TMEFF2: variants seen among roughly 807,000 people sequenced by gnomAD.
The protein encoded by TMEFF2 is tomoregulin-2.
Under a neutral mutation model 53.8 loss-of-function variants are expected in TMEFF2, and 28 were observed. That is an observed-to-expected ratio of 0.52 (90% CI 0.39 to 0.71). The LOEUF is 0.71. TMEFF2 is among the 30% of genes least tolerant of loss of function. The pLI is 0.00. For missense variants in TMEFF2, 353 were observed against 455.2 expected (o/e 0.78, Z 2.04); for synonymous variants, 162 against 166.3 (o/e 0.97, Z 0.20).
At chr2:192,135,957 C>T (rs1156691384) in intron 4 of TMEFF2, among the ~76,000 whole-genome samples, 4 of 151,732 alleles carry the variant, frequency 2.6e-5, no homozygotes, top group Admixed American at 6.6e-5. Context: ...TGTAATTTTC[C>T]ATTACCTTCC....
Position 192,194,339 on chromosome 2 carries a change from G to C in TMEFF2, c.172+14C>G. The C allele has an allele frequency of 6.2e-7, 1 of 1,613,246 alleles. No homozygotes were observed. The highest frequency in any genetic ancestry group is 1.3e-5 in the African/African-American group (1 of 75,012). On this transcript the variant is annotated intron_variant, in intron 1 of 9. Coordinates refer to ENST00000272771, the MANE Select transcript of TMEFF2 (RefSeq NM_016192.4). This position sits in a 1 kb window ranked among gnomAD's most constrained non-coding sequence, Gnocchi z 4.2. ...GCGGAGTTAAAGGGTCGGGGACGGGGGTTCTGGACTTACCAGAGCAATTCC... is the reference window on the plus strand; with the variant it reads ...GCGGAGTTAAAGGGTCGGGGACGGGCGTTCTGGACTTACCAGAGCAATTCC...
At chr2:192,168,777 C>A (rs572860501) in intron 4 of TMEFF2, among the ~76,000 whole-genome samples, 1 of 151,924 alleles carries the variant, frequency 6.6e-6, no homozygotes, top group Non-Finnish European at 1.5e-5. Flanking sequence ...TGGCAGCATG[C>A]GAATGTGAGT....
chr2:192,075,304 T>TAAATATAA (rs1553518793), intron 4 of TMEFF2, among the ~76,000 whole-genome samples: 1 of 17,276 alleles, frequency 5.8e-5, no homozygotes, highest in African/African-American at 9.9e-5. Context: ...TATATATATA[T>TAAATATAA]ATATATATAT....
At chr2:192,104,872 T>A (rs1261401383) in intron 4 of TMEFF2, among the ~76,000 whole-genome samples, 1 of 152,080 alleles carries the variant, frequency 6.6e-6, no homozygotes, top group Non-Finnish European at 1.5e-5. Context: ...TTTAATTCTA[T>A]ATTTGTGTCA....
intron 7 of TMEFF2, among the ~76,000 whole-genome samples, chr2:191,966,475 C>T (rs1692474455): frequency 6.6e-6 from 1 of 152,086 alleles, no homozygotes; most frequent in African/African-American, 2.4e-5. Flanking sequence ...AAAAATTTGT[C>T]ATTTGTATGC....
At chr2:192,108,824 A>T (rs1395164988) in intron 4 of TMEFF2, among the ~76,000 whole-genome samples, 1 of 152,060 alleles carries the variant, frequency 6.6e-6, no homozygotes, top group African/African-American at 2.4e-5. Flanking sequence ...TGAATAGATT[A>T]AAAAATGTAA....
At chr2:191,956,403 AC>A (rs1282459146) in intron 7 of TMEFF2, 25 bp from the exon 8 acceptor site, 1 of 1,606,474 alleles carries the variant, frequency 6.2e-7, no homozygotes, top group Admixed American at 1.7e-5. Context: ...AAAAGTAAGC[AC>A]CCCCTGTAAA....
chr2:192,045,883 C>T (rs1687607442), intron 5 of TMEFF2, among the ~76,000 whole-genome samples: 1 of 152,192 alleles, frequency 6.6e-6, no homozygotes, highest in Admixed American at 6.5e-5. Flanking sequence ...TCTTCCTGCA[C>T]ACAATGCTTC....
At chr2:192,143,351 C>T (rs1690180285) in intron 4 of TMEFF2, among the ~76,000 whole-genome samples, 1 of 152,112 alleles carries the variant, frequency 6.6e-6, no homozygotes, top group African/African-American at 2.4e-5. Context: ...ATTTGACACA[C>T]CAATTGCTTC....
At chr2:191,992,055 G>A (rs987581164) in intron 7 of TMEFF2, among the ~76,000 whole-genome samples, 1 of 152,064 alleles carries the variant, frequency 6.6e-6, no homozygotes, top group African/African-American at 2.4e-5. Flanking sequence ...CTTGCAATGA[G>A]ACACTTTCCC....
chr2:191,983,892 G>A (rs371453498), intron 7 of TMEFF2, among the ~76,000 whole-genome samples: 2 of 152,180 alleles, frequency 1.3e-5, no homozygotes, highest in Non-Finnish European at 2.9e-5. Context: ...TGAATCCAGT[G>A]AGAAAGAACT....
At chr2:192,162,288 G>C (rs1690652911) in intron 4 of TMEFF2, among the ~76,000 whole-genome samples, 1 of 152,150 alleles carries the variant, frequency 6.6e-6, no homozygotes, top group Non-Finnish European at 1.5e-5. Flanking sequence ...AATCAGGGGT[G>C]AGTGTGCTGT....
intron 7 of TMEFF2, among the ~76,000 whole-genome samples, chr2:191,981,341 T>TTC (rs1685847533): frequency 6.7e-6 from 1 of 150,294 alleles, no homozygotes; most frequent in South Asian, 2.1e-4. Context: ...TAACATTTTT[T>TTC]CTCTTCTCTG....
chr2:191,959,926 G>T (rs1692223286), intron 7 of TMEFF2, among the ~76,000 whole-genome samples: 1 of 152,152 alleles, frequency 6.6e-6, no homozygotes, highest in Admixed American at 6.5e-5. Context: ...ACCCAGGATG[G>T]AATGCAGTGG....
Position 191,949,294 on chromosome 2 carries a change from T to G in TMEFF2, c.*1017A>C. ...TCTTTCTTACCTCACCACATAAATATGCTCAAAACATCTCTCTGTTTTCAT... is the reference window on the plus strand; with the variant it reads ...TCTTTCTTACCTCACCACATAAATAGGCTCAAAACATCTCTCTGTTTTCAT... On this transcript the variant is annotated 3_prime_UTR_variant, in exon 10 of 10. Coordinates refer to ENST00000272771, the MANE Select transcript of TMEFF2 (RefSeq NM_016192.4). The G allele has an allele frequency of 2.0e-6, 2 of 985,414 alleles. No individual in the cohort carries two copies. Among genetic ancestry groups the G allele is most frequent in the Non-Finnish European group, 2.4e-6 (2 of 829,918 alleles). 61.0% of individuals were successfully genotyped at this position (985,414 alleles called of 1,614,324 possible). A position where few individuals can be genotyped will look rare whatever the true frequency, so the allele number is the denominator to read the frequency against.
chr2:192,082,961 AT>A (rs377750674), intron 4 of TMEFF2, among the ~76,000 whole-genome samples: 5 of 142,878 alleles, frequency 3.5e-5, no homozygotes, highest in African/African-American at 1.3e-4. Context: ...TAGAGAGTTG[AT>A]TTTTTTTTTT....
At chr2:191,993,713 T>C (rs74436551) in intron 7 of TMEFF2, among the ~76,000 whole-genome samples, 1 of 152,188 alleles carries the variant, frequency 6.6e-6, no homozygotes, top group East Asian at 1.9e-4. Flanking sequence ...GTCATTACTT[T>C]AGTCTGTCAT....
intron 2 of TMEFF2, 57 bp from the exon 3 acceptor site, chr2:192,184,540 C>T: frequency 6.3e-7 from 1 of 1,590,826 alleles, no homozygotes; most frequent in Non-Finnish European, 8.6e-7. Flanking sequence ...ATCCCTCTGA[C>T]ACGATGAACA....
chr2:192,084,610 A>G (rs1688624600), intron 4 of TMEFF2, among the ~76,000 whole-genome samples: 1 of 152,210 alleles, frequency 6.6e-6, no homozygotes, highest in Non-Finnish European at 1.5e-5. Flanking sequence ...AATTTCAAAC[A>G]TGCTTATATG....
Sources: gnomAD v4.1 joint callset for allele counts (sites outside exome capture counted in the v4.1 genomes callset) on GRCh38, gnomAD v4.1.1 for gene constraint, Gnocchi (gnomAD v3.1) non-coding constraint, MANE v1.5 for transcripts, NCBI Gene and HGNC (gene_info 2026-07-23, HGNC 2026-07-21) for gene names.